The following NRG1 variants were observed in gnomAD, a reference collection of about 807,000 sequenced individuals.
The protein encoded by NRG1 is pro-neuregulin-1, membrane-bound isoform.
NRG1 carries 18 observed loss-of-function variants against 63.8 expected under a neutral mutation model. The ratio of observed to expected loss-of-function variants is 0.28; its 90% CI spans 0.19 to 0.42. The LOEUF is 0.42. Among genes scored for constraint, NRG1 ranks in the 10% least tolerant of loss-of-function variants. The pLI is 1.00. For missense variants in NRG1, 762 were observed against 814.7 expected (o/e 0.94, Z 0.79); for synonymous variants, 302 against 301.3 (o/e 1.00, Z -0.02).
At chr8:32,124,483 T>G (rs1358062745) in intron 1 of NRG1, among the ~76,000 whole-genome samples, 1 of 151,836 alleles carries the variant, frequency 6.6e-6, no homozygotes, top group Non-Finnish European at 1.5e-5. Flanking sequence ...TCACTAAATA[T>G]TTATGGAGCC....
intron 1 of NRG1, among the ~76,000 whole-genome samples, chr8:31,865,890 G>C (rs777676820): frequency 6.6e-6 from 1 of 152,032 alleles, no homozygotes; most frequent in African/African-American, 2.4e-5. Flanking sequence ...TATATATGTC[G>C]GGAAAAGAAA....
intron 1 of NRG1, among the ~76,000 whole-genome samples, chr8:31,824,822 C>G (rs1824376765): frequency 6.6e-6 from 1 of 152,164 alleles, no homozygotes; most frequent in African/African-American, 2.4e-5. Flanking sequence ...ATACACAACA[C>G]AGACCATATG....
In NRG1 at chr8:31,837,479, C is replaced by A. The variant is rs908618331; in HGVS notation, c.37+198048C>A. On this transcript the variant is annotated intron_variant, in intron 1 of 10. Transcript: ENST00000519301. ...AAATCATGGTAATTAGCATATCAAT[C>A]ACCTTAAACATTTATCATTCCTTTG... 2.6e-5 allele frequency among the ~76,000 whole-genome samples: 4 copies of A among 152,032 alleles called. No homozygotes were observed. The East Asian group carries it at 7.7e-4, about 29-fold the overall frequency.
rs117039721 is a variant in NRG1, at chr8:31,743,048, A to T, written c.37+103617A>T. Reference sequence around the variant, plus strand: ...TTCTTTGCTTAGGACCCATTTACCAAGGGTGACAGTCCAGTCCCATCACCG... The same window carrying T: ...TTCTTTGCTTAGGACCCATTTACCATGGGTGACAGTCCAGTCCCATCACCG... On this transcript the variant is annotated intron_variant, in intron 1 of 10. Coordinates refer to the NRG1 transcript ENST00000519301. Among the ~76,000 whole-genome samples, 1,117 of 152,082 alleles carry T rather than the reference A, an allele frequency of 7.3e-3. 47 individuals carry two copies. The South Asian group carries it at 0.12, about 16-fold the overall frequency.
At chr8:32,131,672 A>C (rs1834839102) in intron 1 of NRG1, among the ~76,000 whole-genome samples, 1 of 152,042 alleles carries the variant, frequency 6.6e-6, no homozygotes, top group South Asian at 2.1e-4. Context: ...GGTGTGTGCC[A>C]TGTATATTAA....
At chr8:32,224,851 A>G (rs1241332168) in intron 1 of NRG1, among the ~76,000 whole-genome samples, 1 of 152,252 alleles carries the variant, frequency 6.6e-6, no homozygotes, top group Non-Finnish European at 1.5e-5. Context: ...CCTTATCTAT[A>G]CAATGGGAAT....
chr8:31,824,080 C>T (rs953451498), intron 1 of NRG1, among the ~76,000 whole-genome samples: 2 of 151,838 alleles, frequency 1.3e-5, no homozygotes, highest in African/African-American at 2.4e-5. Flanking sequence ...AGGTTTGTTA[C>T]ATATGTATAC....
intron 1 of NRG1, among the ~76,000 whole-genome samples, chr8:32,097,191 G>T (rs1361778271): frequency 6.6e-6 from 1 of 152,022 alleles, no homozygotes; most frequent in African/African-American, 2.4e-5. Flanking sequence ...CTTTCTTGTG[G>T]CTAAATAATA....
At chr8:31,848,550 C>T (rs1295622161) in intron 1 of NRG1, among the ~76,000 whole-genome samples, 2 of 152,158 alleles carry the variant, frequency 1.3e-5, no homozygotes, top group African/African-American at 2.4e-5. Flanking sequence ...AACTGGGTCA[C>T]GCAGCAGGAG....
intron 11 of NRG1, chr8:32,763,247 A>G (rs747378434): frequency 2.5e-6 from 4 of 1,613,980 alleles, no homozygotes; most frequent in African/African-American, 2.7e-5. Context: ...CTAAGGAGAA[A>G]CAAGGCACAC....
At chr8:32,424,435 C>A (rs1392437686) in intron 1 of NRG1, among the ~76,000 whole-genome samples, 1 of 152,086 alleles carries the variant, frequency 6.6e-6, no homozygotes, top group Non-Finnish European at 1.5e-5. Context: ...GCACGGATAC[C>A]AATTTTGGGA....
At chr8:32,504,026 C>T (rs1828225601) in intron 1 of NRG1, among the ~76,000 whole-genome samples, 1 of 152,278 alleles carries the variant, frequency 6.6e-6, no homozygotes, top group Non-Finnish European at 1.5e-5. Flanking sequence ...CGCATGCCCA[C>T]TTGAGGTATT....
intron 1 of NRG1, among the ~76,000 whole-genome samples, chr8:32,252,123 A>T (rs971766753): frequency 6.6e-6 from 1 of 151,856 alleles, no homozygotes; most frequent in Non-Finnish European, 1.5e-5. Context: ...AGATTGCAAA[A>T]TTTTTCTCTC....
chr8:32,705,045 C>T (rs1474992659), intron 5 of NRG1, among the ~76,000 whole-genome samples: 1 of 151,702 alleles, frequency 6.6e-6, no homozygotes, highest in East Asian at 1.9e-4. Context: ...TAAAAATGCT[C>T]TTTGGTAGCC....
chr8:32,022,178 G>C (rs1816557907), intron 1 of NRG1, among the ~76,000 whole-genome samples: 1 of 152,050 alleles, frequency 6.6e-6, no homozygotes, highest in Non-Finnish European at 1.5e-5. Flanking sequence ...CTATGCAAAG[G>C]GTAAAATTGT....
intron 1 of NRG1, among the ~76,000 whole-genome samples, chr8:31,876,905 G>A (rs1829970140): frequency 6.6e-6 from 1 of 152,112 alleles, no homozygotes; most frequent in Non-Finnish European, 1.5e-5. Flanking sequence ...CTCAAAGTGT[G>A]TGCATACTTT....
intron 1 of NRG1, among the ~76,000 whole-genome samples, chr8:32,116,523 G>C (rs1469062111): frequency 6.6e-6 from 1 of 152,066 alleles, no homozygotes; most frequent in Non-Finnish European, 1.5e-5. Flanking sequence ...CCAGGTGCTT[G>C]GACTCTAAAG....
intron 1 of NRG1, among the ~76,000 whole-genome samples, chr8:31,863,073 A>G (rs1226314592): frequency 1.3e-5 from 2 of 152,160 alleles, no homozygotes; most frequent in Non-Finnish European, 2.9e-5. Flanking sequence ...TCCAGAAATC[A>G]TTGGCTCTTC....
chr8:32,379,330 A>G (rs1810045128), intron 1 of NRG1, among the ~76,000 whole-genome samples: 1 of 152,176 alleles, frequency 6.6e-6, no homozygotes, highest in Non-Finnish European at 1.5e-5. Flanking sequence ...TCATTTTGCT[A>G]ATGAGGGCTT....
Sources: gnomAD v4.1 joint callset for allele counts (sites outside exome capture counted in the v4.1 genomes callset) on GRCh38, gnomAD v4.1.1 for gene constraint, MANE v1.5 for transcripts, NCBI Gene and HGNC (gene_info 2026-07-23, HGNC 2026-07-21) for gene names.